RBFOX1: variants seen among roughly 807,000 people sequenced by gnomAD.
RBFOX1 encodes the protein RNA binding protein fox-1 homolog 1.
A neutral mutation model predicts 57.7 loss-of-function variants in RBFOX1; 8 were observed. The observed-to-expected ratio is 0.14, with a 90% CI of 0.08 to 0.25. The LOEUF is 0.25. Among genes scored for constraint, RBFOX1 ranks in the 10% least tolerant of loss-of-function variants. RBFOX1 has a pLI of 1.00. For synonymous variants in RBFOX1, 326 were observed against 222.4 expected, an observed-to-expected ratio of 1.47 and a Z score of -4.15; for missense variants, 611 against 548.5, an observed-to-expected ratio of 1.11 and a Z score of -1.14.
chr16:6,903,217 T>C (rs1318657755), intron 3 of RBFOX1, among the ~76,000 whole-genome samples: 2 of 152,136 alleles, frequency 1.3e-5, no homozygotes, highest in East Asian at 3.9e-4. Context: ...AGAGAGCTCA[T>C]GCAGCATTGC....
At chr16:6,836,192 T>G (rs1362490707) in intron 3 of RBFOX1, among the ~76,000 whole-genome samples, 2 of 152,226 alleles carry the variant, frequency 1.3e-5, no homozygotes, top group African/African-American at 4.8e-5. Flanking sequence ...AATATGTTAG[T>G]CATTTTCTTT....
chr16:7,432,147 A>C (rs2149614614), intron 4 of RBFOX1, among the ~76,000 whole-genome samples: 1 of 152,352 alleles, frequency 6.6e-6, no homozygotes, highest in East Asian at 1.9e-4. Flanking sequence ...TTGTCAGGTC[A>C]GCAGGGGTGC....
chr16:6,518,410 C>T (rs892109180), intron 2 of RBFOX1, among the ~76,000 whole-genome samples: 1 of 152,100 alleles, frequency 6.6e-6, no homozygotes, highest in African/African-American at 2.4e-5. Flanking sequence ...AGAAAAAGTG[C>T]ACCAATCAGG....
At chr16:6,960,665 A>T (rs1469324725) in intron 3 of RBFOX1, among the ~76,000 whole-genome samples, 2 of 151,258 alleles carry the variant, frequency 1.3e-5, no homozygotes, top group East Asian at 3.9e-4. Context: ...GACAGGACAT[A>T]CTCTTGCAGG....
intron 2 of RBFOX1, among the ~76,000 whole-genome samples, chr16:6,403,217 C>A (rs1452823242): frequency 6.6e-6 from 1 of 152,140 alleles, no homozygotes; most frequent in African/African-American, 2.4e-5. Context: ...GCATTTTAAA[C>A]CAAGATACTC....
intron 3 of RBFOX1, among the ~76,000 whole-genome samples, chr16:6,949,271 C>T (rs1052935397): frequency 6.6e-6 from 1 of 152,132 alleles, no homozygotes; most frequent in Non-Finnish European, 1.5e-5. Context: ...CTCAATTTCA[C>T]AAAACAAACC....
intron 3 of RBFOX1, among the ~76,000 whole-genome samples, chr16:6,663,601 G>C (rs993501118): frequency 3.2e-4 from 49 of 152,204 alleles, no homozygotes; most frequent in Non-Finnish European, 7.3e-5. Flanking sequence ...AGGCACATAA[G>C]GGCAGAGGCT....
At chr16:7,246,935 C>A (rs981332587) in intron 4 of RBFOX1, among the ~76,000 whole-genome samples, 1 of 152,112 alleles carries the variant, frequency 6.6e-6, no homozygotes, top group Non-Finnish European at 1.5e-5. Flanking sequence ...CATTTTACGA[C>A]AGGGATGAGA....
chr16:6,764,174 G>T (rs963905540), intron 3 of RBFOX1, among the ~76,000 whole-genome samples: 16 of 152,156 alleles, frequency 1.1e-4, no homozygotes, highest in African/African-American at 3.9e-4. Flanking sequence ...AGCTCTAGGT[G>T]CCCTCAATAT....
intron 4 of RBFOX1, among the ~76,000 whole-genome samples, chr16:7,353,964 A>G (rs546249190): frequency 6.6e-6 from 1 of 152,180 alleles, no homozygotes; most frequent in Admixed American, 6.6e-5. Flanking sequence ...ACAGAATTGT[A>G]TATTTTATTT....
At chr16:6,424,053 C>A (rs1168008313) in intron 2 of RBFOX1, among the ~76,000 whole-genome samples, 3 of 152,162 alleles carry the variant, frequency 2.0e-5, no homozygotes, top group African/African-American at 7.2e-5. Flanking sequence ...GCCTGGCCAA[C>A]ATGGTGAAAA....
intron 4 of RBFOX1, among the ~76,000 whole-genome samples, chr16:5,958,131 G>A (rs954634100): frequency 6.6e-6 from 1 of 152,172 alleles, no homozygotes; most frequent in Non-Finnish European, 1.5e-5. Context: ...CCTTTGTAGT[G>A]TTTGGGAATG....
chr16:7,294,143 TG>T (rs2095846376), intron 4 of RBFOX1, among the ~76,000 whole-genome samples: 2 of 152,054 alleles, frequency 1.3e-5, no homozygotes, highest in East Asian at 3.9e-4. Flanking sequence ...AGAGAGTGGG[TG>T]GGGTGGAGGG....
At chr16:5,485,946 A>G (rs149699796) in intron 2 of RBFOX1, among the ~76,000 whole-genome samples, 102 of 152,336 alleles carry the variant, frequency 6.7e-4, no homozygotes, top group Non-Finnish European at 1.2e-3. Context: ...TTCCCACATC[A>G]TAAGATTATT....
chr16:6,665,849 G>A (rs1312195607), intron 3 of RBFOX1, among the ~76,000 whole-genome samples: 3 of 152,030 alleles, frequency 2.0e-5, no homozygotes, highest in African/African-American at 7.2e-5. Context: ...TGTTACAGAT[G>A]AGAAAAATGA....
intron 4 of RBFOX1, among the ~76,000 whole-genome samples, chr16:7,366,712 G>A (rs1014645673): frequency 6.6e-6 from 1 of 151,734 alleles, no homozygotes; most frequent in Non-Finnish European, 1.5e-5. Flanking sequence ...TATTAAAATG[G>A]TGCCAGAGAC....
intron 3 of RBFOX1, among the ~76,000 whole-genome samples, chr16:6,931,342 C>CTCTATCT (rs1567942388): frequency 2.8e-4 from 31 of 110,328 alleles, no homozygotes; most frequent in East Asian, 2.1e-3. Context: ...TCTATCTCTA[C>CTCTATCT]ACACACACAC....
chr16:7,561,316 C>G (rs2090301917), intron 5 of RBFOX1, among the ~76,000 whole-genome samples: 1 of 152,212 alleles, frequency 6.6e-6, no homozygotes, highest in Admixed American at 6.5e-5. Flanking sequence ...CAACTATTCA[C>G]TCTATGGCCC....
intron 3 of RBFOX1, among the ~76,000 whole-genome samples, chr16:6,732,685 T>A (rs2068974786): frequency 6.6e-6 from 1 of 152,224 alleles, no homozygotes; most frequent in African/African-American, 2.4e-5. Context: ...ACATAGTATG[T>A]TGACGTCCTC....
Sources: gnomAD v4.1 joint callset for allele counts (sites outside exome capture counted in the v4.1 genomes callset) on GRCh38, gnomAD v4.1.1 for gene constraint, MANE v1.5 for transcripts, NCBI Gene and HGNC (gene_info 2026-07-23, HGNC 2026-07-21) for gene names.